SCRT2: variants seen among roughly 807,000 people sequenced by gnomAD.
SCRT2 encodes scratch family transcriptional repressor 2, also known as transcriptional repressor scratch 2.
A neutral mutation model predicts 3.7 loss-of-function variants in SCRT2; 2 were observed. That is an observed-to-expected ratio of 0.54 (90% CI 0.22 to 1.70). SCRT2 has a LOEUF of 1.70. SCRT2 is among the 40% of genes most tolerant of loss of function. The pLI, the probability that SCRT2 is intolerant of heterozygous loss-of-function variation, is 0.19. For missense variants in SCRT2, 456 were observed against 468.5 expected (o/e 0.97, Z 0.25); for synonymous variants, 256 against 220.6 (o/e 1.16, Z -1.42).
rs573856239 is a variant in SCRT2, at chr20:662,191, G to T, written c.*1480C>A. 6.5e-6 allele frequency: 1 copy of T among 152,724 alleles called. No homozygotes were observed. The highest frequency in any genetic ancestry group is 6.5e-5 in the Admixed American group (1 of 15,290). The allele number at this position is 152,724 out of a possible 1,614,324, so 9.5% of individuals were successfully genotyped here. ...CCGGGAGAGTTGCATAGACATGGCC[G>T]GGAGAGAGCGCCCCTCCCGGGGAGC... On this transcript the variant is annotated 3_prime_UTR_variant, in exon 2 of 2. Transcript: ENST00000246104.
chr20:675,530 G>A lies in SCRT2; in HGVS notation c.72C>T (p.Thr24=). The change falls in exon 1 of 2, where the codon ACC becomes ACT. Residue 24 remains threonine, a synonymous_variant. Coordinates refer to ENST00000246104, the MANE Select transcript of SCRT2 (RefSeq NM_033129.4). This position sits in a 1 kb window ranked among gnomAD's most constrained non-coding sequence, Gnocchi z 6.9. ...CGTAGGCTGTCTCCAAGGGGTGGTA[G>A]GTGGGGGCCGGCACCCCGCTGCACT... The part of the protein sequence containing the change: ...GFQCSGVPAP[T]YHPLETAYVL... 1 of 1,393,544 alleles carries A rather than the reference G, an allele frequency of 7.2e-7. No homozygotes were observed. Among genetic ancestry groups the A allele is most frequent in the East Asian group, 2.8e-5 (1 of 35,908 alleles). 86.3% of individuals were successfully genotyped at this position (1,393,544 alleles called of 1,614,324 possible).
Position 675,434 on chromosome 20 carries a change from C to T in SCRT2, c.133+35G>A. On this transcript the variant is annotated intron_variant, in intron 1 of 1. Transcript: ENST00000246104. This position sits in a 1 kb window ranked among gnomAD's most constrained non-coding sequence, Gnocchi z 6.9. ...AGGGCCCCAGCTCCCCTCGCCTCTT[C>T]TCCCAACCCCCCGCCCCCGCCGGGT... The T allele has an allele frequency of 7.7e-7, 1 of 1,295,224 alleles. No homozygotes were observed. Among genetic ancestry groups the T allele is most frequent in the East Asian group, 3.0e-5 (1 of 33,224 alleles). The allele number at this position is 1,295,224 out of a possible 1,614,324, so 80.2% of individuals were successfully genotyped here. A position where few individuals can be genotyped will look rare whatever the true frequency, so the allele number is the denominator to read the frequency against.
chr20:672,472 T>C (rs970852091), intron 1 of SCRT2, among the ~76,000 whole-genome samples: 1 of 151,692 alleles, frequency 6.6e-6, no homozygotes, highest in African/African-American at 2.4e-5. Flanking sequence ...CCTCCAGGAA[T>C]TCTCCAGCAT....
In SCRT2 at chr20:674,190, A is replaced by G. The variant is rs73572856; in HGVS notation, c.133+1279T>C. ...GAGGTCACAAAGCCCTTTGCCCAGC[A>G]CTCTCTCTCTCTCTACCTGGTGTGG... On this transcript the variant is annotated intron_variant, in intron 1 of 1. Coordinates refer to ENST00000246104, the MANE Select transcript of SCRT2 (RefSeq NM_033129.4). 3.3e-3 allele frequency among the ~76,000 whole-genome samples: 489 copies of G among 149,938 alleles called. 1 individual carries two copies. Among genetic ancestry groups the G allele is most frequent in the African/African-American group, 0.011 (460 of 40,804 alleles).
intron 1 of SCRT2, among the ~76,000 whole-genome samples, chr20:673,618 C>T (rs1478689173): frequency 6.6e-6 from 1 of 152,190 alleles, no homozygotes; most frequent in Non-Finnish European, 1.5e-5. Context: ...TGCAGAAACA[C>T]CCTGCTGGTG....
At chr20:670,103 C>T (rs1163381234) in intron 1 of SCRT2, among the ~76,000 whole-genome samples, 2 of 152,108 alleles carry the variant, frequency 1.3e-5, no homozygotes, top group Non-Finnish European at 2.9e-5. Flanking sequence ...TTCCTGTGGC[C>T]TACAGGGAGG....
chr20:667,845 T>C lies in SCRT2; in HGVS notation c.134-3384A>G, dbSNP rs2122348704. ...AGGTGGTTCTAACTTGCTTTGTGAC[T>C]GTGGCCAGGTTGCTTAACCTTTCTG... is the stretch of plus-strand genomic sequence containing the variant. On this transcript the variant is annotated intron_variant, in intron 1 of 1. Coordinates refer to ENST00000246104, the MANE Select transcript of SCRT2 (RefSeq NM_033129.4). This position sits in a 1 kb window ranked among gnomAD's most constrained non-coding sequence, Gnocchi z 4.4. Among the ~76,000 whole-genome samples the C allele has an allele frequency of 6.6e-6, 1 of 152,280 alleles. No individual in the cohort carries two copies. The highest frequency in any genetic ancestry group is 1.9e-4 in the East Asian group (1 of 5,182).
intron 1 of SCRT2, among the ~76,000 whole-genome samples, chr20:669,949 C>T (rs1984277861): frequency 1.3e-5 from 2 of 152,192 alleles, no homozygotes; most frequent in South Asian, 4.1e-4. Flanking sequence ...TGAGGTCTGG[C>T]CCAACATGAC....
In SCRT2 at chr20:664,086, A is replaced by C. The variant is rs1224604730; in HGVS notation, c.509T>G (p.Leu170Arg). ...GCGGTGCGTCTGCTTGTGGCGGCTC[A>C]GGTTCGACGACGTGGCGTAGGTCTT... ...CGKTYATSSN[L>R]SRHKQTHRSL... Residue 170 changes from leucine to arginine, a missense_variant, in exon 2 of 2, where the codon CTG becomes CGG. Around this residue, in one of 3 missense-constraint regions of SCRT2, gnomAD observed 306 missense variants for 305.3 expected, o/e 1.00. Coordinates refer to ENST00000246104, the MANE Select transcript of SCRT2 (RefSeq NM_033129.4). This position sits in a 1 kb window ranked among gnomAD's most constrained non-coding sequence, Gnocchi z 7.9. 1.9e-6 allele frequency: 3 copies of C among 1,609,582 alleles called. No individual in the cohort carries two copies. The Admixed American group carries it at 5.0e-5, about 27-fold the overall frequency.
At position 666,778 on chromosome 20, in the gene SCRT2, G is replaced by A. The variant is rs1037825661; in HGVS notation, c.134-2317C>T. Among the ~76,000 whole-genome samples the A allele has an allele frequency of 6.6e-6, 1 of 152,200 alleles. No individual in the cohort carries two copies. The highest frequency in any genetic ancestry group is 1.5e-5 in the Non-Finnish European group (1 of 68,030). On this transcript the variant is annotated intron_variant, in intron 1 of 1. Transcript: ENST00000246104. The surrounding 1 kb of genome is among the most constrained non-coding windows in gnomAD (Gnocchi z 4.4). Reference sequence around the variant, plus strand: ...TCACTCCCCAGCCTAGCAGGACCTGGTATAGACAGTCCTGTTCACCTGGTC... The same window carrying A: ...TCACTCCCCAGCCTAGCAGGACCTGATATAGACAGTCCTGTTCACCTGGTC...
At chr20:668,413 A>G (rs1361090420) in intron 1 of SCRT2, among the ~76,000 whole-genome samples, 2 of 152,206 alleles carry the variant, frequency 1.3e-5, no homozygotes, top group Non-Finnish European at 2.9e-5. Flanking sequence ...CCTATCCTGC[A>G]ACTGACAGGG....
rs770363574 is a variant in SCRT2, at chr20:663,776, G to T, written c.819C>A (p.Cys273Ter). 2 of 1,588,374 alleles carry T rather than the reference G, an allele frequency of 1.3e-6. No homozygotes were observed. Among genetic ancestry groups the T allele is most frequent in the Non-Finnish European group, 1.7e-6 (2 of 1,169,604 alleles). ...AGGACTTGAGCGCGAAGCTCTTGTC[G>T]CACTGGCGGCAGCGGTAGTGCTTGA... ...SAFKHYRCRQ[C>*]DKSFALKSYL... Residue 273 changes from cysteine to a stop codon, truncating the protein, a stop_gained, in exon 2 of 2, where the codon TGC becomes TGA. Coordinates refer to ENST00000246104, the MANE Select transcript of SCRT2 (RefSeq NM_033129.4). LOFTEE classifies it low-confidence loss of function (END_TRUNC). The surrounding 1 kb of genome is among the most constrained non-coding windows in gnomAD (Gnocchi z 6.9).
chr20:675,314 G>A lies in SCRT2; in HGVS notation c.133+155C>T, dbSNP rs1984492754. ...GACCTAGCCCCTGCCCCGCCCGCAC[G>A]GCCCTTGGAAAGCCCGGGAGGAGCC... On this transcript the variant is annotated intron_variant, in intron 1 of 1. Coordinates refer to ENST00000246104, the MANE Select transcript of SCRT2 (RefSeq NM_033129.4). This position sits in a 1 kb window ranked among gnomAD's most constrained non-coding sequence, Gnocchi z 6.9. Among the ~76,000 whole-genome samples, 1 of 152,072 alleles carries A rather than the reference G, an allele frequency of 6.6e-6. No individual in the cohort carries two copies. Among genetic ancestry groups the A allele is most frequent in the Non-Finnish European group, 1.5e-5 (1 of 67,990 alleles).
rs759597027 is a variant in SCRT2 at position 664,265 on chromosome 20, G to A, written c.330C>T (p.Ala110=). The change falls in exon 2 of 2, where the codon GCC becomes GCT. Residue 110 remains alanine, a synonymous_variant. Coordinates refer to ENST00000246104, the MANE Select transcript of SCRT2 (RefSeq NM_033129.4). The surrounding 1 kb of genome is among the most constrained non-coding windows in gnomAD (Gnocchi z 7.9). ...AAVTDSYSMD[A]FFISDGRSRR... is the part of the protein sequence containing the mutation. ...GCGAGCGCCCGTCCGAGATGAAGAAGGCGTCCATGGAGTAGCTGTCGGTCA... is the reference window on the plus strand; with the variant it reads ...GCGAGCGCCCGTCCGAGATGAAGAAAGCGTCCATGGAGTAGCTGTCGGTCA... 4.2e-6 allele frequency: 6 copies of A among 1,420,188 alleles called. No individual in the cohort carries two copies. Among genetic ancestry groups the A allele is most frequent in the Middle Eastern group, 2.1e-4 (1 of 4,702 alleles). 88.0% of individuals were successfully genotyped at this position (1,420,188 alleles called of 1,614,324 possible). A position where few individuals can be genotyped will look rare whatever the true frequency, so the allele number is the denominator to read the frequency against.
intron 1 of SCRT2, among the ~76,000 whole-genome samples, chr20:672,793 T>C (rs1260006389): frequency 4.1e-5 from 5 of 121,248 alleles, no homozygotes; most frequent in South Asian, 3.1e-4. Context: ...CTTCCCCCCC[T>C]CCTCTCTTTC....
At position 663,618 on chromosome 20, in the gene SCRT2, G is replaced by T. The variant is rs956463485; in HGVS notation, c.*53C>A. ...CGAGGGCGCTGCGGGCGCAGGTAGG[G>T]GGCCCGGGGCGCGTGGAGAGCGAGT... On this transcript the variant is annotated 3_prime_UTR_variant, in exon 2 of 2. Transcript: ENST00000246104. The surrounding 1 kb of genome is among the most constrained non-coding windows in gnomAD (Gnocchi z 6.9). The T allele has an allele frequency of 7.6e-7, 1 of 1,317,724 alleles. No homozygotes were observed. Among genetic ancestry groups the T allele is most frequent in the Admixed American group, 4.1e-5 (1 of 24,114 alleles). 81.6% of individuals were successfully genotyped at this position (1,317,724 alleles called of 1,614,324 possible).
In SCRT2 at chr20:664,046, C is replaced by A; in HGVS notation, c.549G>T (p.Gln183His). The A allele has an allele frequency of 1.2e-6, 2 of 1,611,976 alleles. No homozygotes were observed. The highest frequency in any genetic ancestry group is 1.7e-6 in the Non-Finnish European group (2 of 1,179,596). The change falls in exon 2 of 2, where the codon CAG becomes CAT. Residue 183 changes from glutamine to histidine, a missense_variant. Gln to His is a conservative substitution (Grantham distance 24, BLOSUM62 0). Around this residue, in one of 3 missense-constraint regions of SCRT2, gnomAD observed 306 missense variants for 305.3 expected, o/e 1.00. Transcript: ENST00000246104. The surrounding 1 kb of genome is among the most constrained non-coding windows in gnomAD (Gnocchi z 7.9). ...CGCACGTCGGGCATTTGCGCGCCAG[C>A]TGGCTGTCCAGGCTGCGGTGCGTCT... ...HKQTHRSLDS[Q>H]LARKCPTCGK...
Position 675,543 on chromosome 20 carries a change from A to AC in SCRT2, c.58dup (p.Val20GlyfsTer370). ...CAAGGGGTGGTAGGTGGGGGCCGGC[A>AC]CCCCGCTGCACTGGAAGCCGTCCCC... On this transcript the variant is annotated frameshift_variant, in exon 1 of 2. Coordinates refer to ENST00000246104, the MANE Select transcript of SCRT2 (RefSeq NM_033129.4). LOFTEE classifies it high-confidence loss of function. This position sits in a 1 kb window ranked among gnomAD's most constrained non-coding sequence, Gnocchi z 6.9. The AC allele has an allele frequency of 7.2e-7, 1 of 1,390,324 alleles. No homozygotes were observed. Among genetic ancestry groups the AC allele is most frequent in the Non-Finnish European group, 9.4e-7 (1 of 1,068,640 alleles). The allele number at this position is 1,390,324 out of a possible 1,614,324, so 86.1% of individuals were successfully genotyped here. A position where few individuals can be genotyped will look rare whatever the true frequency, so the allele number is the denominator to read the frequency against.
Position 662,197 on chromosome 20 carries a change from G to C in SCRT2, c.*1474C>G, listed in dbSNP as rs909300220. 1 of 152,718 alleles carries C rather than the reference G, an allele frequency of 6.5e-6. No homozygotes were observed. Among genetic ancestry groups the C allele is most frequent in the Non-Finnish European group, 1.5e-5 (1 of 68,102 alleles). The allele number at this position is 152,718 out of a possible 1,614,324, so 9.5% of individuals were successfully genotyped here. ...GAGTTGCATAGACATGGCCGGGAGA[G>C]AGCGCCCCTCCCGGGGAGCAGGCCA... On this transcript the variant is annotated 3_prime_UTR_variant, in exon 2 of 2. Transcript: ENST00000246104.
Sources: allele counts gnomAD v4.1 joint callset (sites outside exome capture counted in the v4.1 genomes callset), GRCh38; gene constraint gnomAD v4.1.1; regional missense constraint gnomAD v4.1.1; non-coding constraint Gnocchi (gnomAD v3.1); transcripts MANE v1.5; gene names NCBI Gene and HGNC (gene_info 2026-07-23, HGNC 2026-07-21).